LATS2: variants seen among roughly 807,000 people sequenced by gnomAD.
LATS2 encodes the protein serine/threonine-protein kinase LATS2.
A neutral mutation model predicts 76.0 loss-of-function variants in LATS2; 24 were observed. The ratio of observed to expected loss-of-function variants is 0.32; its 90% CI spans 0.23 to 0.44. The LOEUF is 0.44. LATS2 is among the 20% of genes least tolerant of loss of function. LATS2 has a pLI of 1.00. For missense variants in LATS2, 1,286 were observed against 1,481.2 expected (o/e 0.87, Z 2.16); for synonymous variants, 692 against 635.4 (o/e 1.09, Z -1.34).
At chr13:20,989,964 G>A (rs898591801) in intron 3 of LATS2, among the ~76,000 whole-genome samples, 6 of 152,166 alleles carry the variant, frequency 3.9e-5, no homozygotes, top group South Asian at 4.1e-4. Flanking sequence ...AACAGACACC[G>A]GAAGGAAGGA....
intron 2 of LATS2, among the ~76,000 whole-genome samples, chr13:21,018,397 T>A (rs544221209): frequency 6.6e-6 from 1 of 151,940 alleles, no homozygotes; most frequent in Non-Finnish European, 1.5e-5. Flanking sequence ...AGGGTTGACA[T>A]GGAAAAACAA....
At chr13:21,055,962 G>C (rs1035412995) in intron 1 of LATS2, among the ~76,000 whole-genome samples, 1 of 152,228 alleles carries the variant, frequency 6.6e-6, no homozygotes, top group Non-Finnish European at 1.5e-5. Flanking sequence ...CATAATGAGG[G>C]TCTTTGAGGA....
intron 2 of LATS2, among the ~76,000 whole-genome samples, chr13:21,012,615 C>A (rs767657460): frequency 2.6e-5 from 4 of 152,160 alleles, no homozygotes; most frequent in Non-Finnish European, 5.9e-5. Flanking sequence ...TCTTATGATT[C>A]TTTTCTCCTA....
chr13:21,021,582 G>GT (rs1284964322), intron 2 of LATS2, among the ~76,000 whole-genome samples: 1 of 149,770 alleles, frequency 6.7e-6, no homozygotes, highest in Non-Finnish European at 1.5e-5. Context: ...TCTTACTCCA[G>GT]TGTGTTTAAA....
chr13:21,017,868 C>T lies in LATS2; in HGVS notation c.343-26464G>A, dbSNP rs552354828. 2.6e-3 allele frequency among the ~76,000 whole-genome samples: 389 copies of T among 152,208 alleles called. 2 individuals carry two copies. The highest frequency in any genetic ancestry group is 8.7e-3 in the African/African-American group (363 of 41,518). ...CTTGAACTCCTGACCTCAGGTGATC[C>T]GCCTGCCTTGGCCTCCTAAAGTGCT... is the stretch of plus-strand genomic sequence containing the variant. On this transcript the variant is annotated intron_variant, in intron 2 of 7. Coordinates refer to ENST00000382592, the MANE Select transcript of LATS2 (RefSeq NM_014572.3).
chr13:20,984,133 C>T (rs966374375), intron 4 of LATS2, among the ~76,000 whole-genome samples: 1 of 152,164 alleles, frequency 6.6e-6, no homozygotes, highest in Non-Finnish European at 1.5e-5. Flanking sequence ...AGCGTTTCAT[C>T]ATGTTGGCCA....
In LATS2 at chr13:20,981,472, G is replaced by A. The variant is rs573724179; in HGVS notation, c.2659C>T (p.Arg887Cys). The A allele has an allele frequency of 1.4e-5, 23 of 1,613,232 alleles. No individual in the cohort carries two copies. Among genetic ancestry groups the A allele is most frequent in the African/African-American group, 2.7e-5 (2 of 75,032 alleles). ...CTGGCCATGGCGCATGTACCTTTGC[G>A]GAGGAGCACCTCGGGTGCGATGTAG... The part of the protein sequence containing the change: ...PNYIAPEVLL[R>C]KGYTQLCDWW... Residue 887 changes from arginine to cysteine, a missense_variant, in exon 6 of 8, where the codon CGC (arginine) becomes TGC (cysteine). Arg to Cys is a radical substitution (Grantham distance 180). Coordinates refer to ENST00000382592, the MANE Select transcript of LATS2 (RefSeq NM_014572.3).
rs1870260951 is a variant in LATS2, at chr13:20,988,200, T to C, written c.1580A>G (p.Lys527Arg). The C allele has an allele frequency of 1.9e-6, 3 of 1,612,038 alleles. No homozygotes were observed. The highest frequency in any genetic ancestry group is 1.3e-5 in the African/African-American group (1 of 74,886). ...PYPKHLLLRS[K>R]SEQYDLDSLC... ...GCTGTCCAGGTCGTACTGCTCCGAC[T>C]TGCTGCGCAGCAGCAGGTGCTTCGG... The change falls in exon 4 of 8, where the codon AAG (lysine) becomes AGG (arginine). Residue 527 changes from lysine (K) to arginine (R), a missense_variant. Lys to Arg is a conservative substitution (Grantham distance 26). Transcript: ENST00000382592.
intron 1 of LATS2, among the ~76,000 whole-genome samples, chr13:21,051,203 T>C (rs918567059): frequency 6.6e-6 from 1 of 152,198 alleles, no homozygotes; most frequent in Non-Finnish European, 1.5e-5. Context: ...ACAAGCCCTC[T>C]TATATGTAGG....
At position 20,987,785 on chromosome 13, in the gene LATS2, G is replaced by A. The variant is rs1168972567; in HGVS notation, c.1899+96C>T. Reference sequence around the variant, plus strand: ...CCATTAGCCGTTTTGATGATAAGGGGTATACAGTCGAAACAGAAAAGGGAT... The same window carrying A: ...CCATTAGCCGTTTTGATGATAAGGGATATACAGTCGAAACAGAAAAGGGAT... On this transcript the variant is annotated intron_variant, in intron 4 of 7. Coordinates refer to ENST00000382592, the MANE Select transcript of LATS2 (RefSeq NM_014572.3). 1.4e-5 allele frequency: 19 copies of A among 1,386,312 alleles called. No individual in the cohort carries two copies. The East Asian group carries it at 4.4e-4, about 32-fold the overall frequency. The allele number at this position is 1,386,312 out of a possible 1,614,324, so 85.9% of individuals were successfully genotyped here. A position where few individuals can be genotyped will look rare whatever the true frequency, so the allele number is the denominator to read the frequency against.
chr13:21,047,645 G>A (rs17061850), intron 1 of LATS2, among the ~76,000 whole-genome samples: 2,373 of 151,886 alleles, frequency 0.016, 41 homozygotes, highest in African/African-American at 0.045. Flanking sequence ...TTTAGCTTCC[G>A]TAAGGAACTT....
intron 2 of LATS2, chr13:21,022,932 C>T (rs1331764811): frequency 2.0e-5 from 3 of 152,224 alleles, no homozygotes; most frequent in Admixed American, 6.5e-5. Flanking sequence ...AAGCAATAGA[C>T]TCCCCTTCTT....
rs756335536 is a variant in LATS2, at chr13:20,989,143, C to T, written c.637G>A (p.Asp213Asn). ...ALEEMPRPYV[D>N]YLFPGVGPHG... ...GGGCCGACTCCGGGGAAAAGGTAGT[C>T]CACGTACGGCCGCGGCATCTCCTCC... The change falls in exon 4 of 8, where the codon GAC becomes AAC. Residue 213 changes from aspartate to asparagine, a missense_variant. Transcript: ENST00000382592. The T allele has an allele frequency of 2.4e-5, 39 of 1,611,402 alleles. No homozygotes were observed. The South Asian group carries it at 4.0e-4, about 16-fold the overall frequency.
At chr13:21,048,021 G>A (rs532149210) in intron 1 of LATS2, among the ~76,000 whole-genome samples, 29 of 152,324 alleles carry the variant, frequency 1.9e-4, no homozygotes, top group African/African-American at 6.7e-4. Flanking sequence ...AGACTGTGCA[G>A]ACATTGAGCT....
rs77142758 is a variant in LATS2 at position 20,989,384 on chromosome 13, C to G, written c.476-80G>C. Reference sequence around the variant, plus strand: ...TGGCACTTCCAGGCTGGTCCCCACTCTAGCGCTGCCCTCGGGGCTGAGGGT... The same window carrying G: ...TGGCACTTCCAGGCTGGTCCCCACTGTAGCGCTGCCCTCGGGGCTGAGGGT... On this transcript the variant is annotated intron_variant, in intron 3 of 7. Coordinates refer to ENST00000382592, the MANE Select transcript of LATS2 (RefSeq NM_014572.3). 242 of 1,461,654 alleles carry G rather than the reference C, an allele frequency of 1.7e-4. No individual in the cohort carries two copies. In the East Asian group the frequency reaches 5.4e-3, roughly 32 times the overall value. The allele number at this position is 1,461,654 out of a possible 1,614,324, so 90.5% of individuals were successfully genotyped here. A position where few individuals can be genotyped will look rare whatever the true frequency, so the allele number is the denominator to read the frequency against.
chr13:21,022,794 C>T (rs1364451572), intron 2 of LATS2, among the ~76,000 whole-genome samples: 1 of 151,918 alleles, frequency 6.6e-6, no homozygotes, highest in Non-Finnish European at 1.5e-5. Context: ...ATAAACAGAG[C>T]TATCCACCCT....
At chr13:21,030,591 C>CAAAAA (rs374884189) in intron 2 of LATS2, among the ~76,000 whole-genome samples, 19 of 25,652 alleles carry the variant, frequency 7.4e-4, no homozygotes, top group African/African-American at 1.4e-3. Flanking sequence ...GACTCCGTCT[C>CAAAAA]AAAAAAAAAA....
At position 20,981,527 on chromosome 13, in the gene LATS2, G is replaced by A. The variant is rs567558890; in HGVS notation, c.2604C>T (p.Cys868=). Residue 868 remains cysteine (C), a synonymous_variant, in exon 6 of 8, where the codon TGC becomes TGT. Transcript: ENST00000382592. ...EQRARKQHQR[C]LAHSLVGTPN... ...GAGTCCCCACCAGTGAATGTGCCAG[G>A]CACCTCTGGTGCTGCTTCCGCGCCC... The A allele has an allele frequency of 1.2e-6, 2 of 1,614,134 alleles. No homozygotes were observed. The highest frequency in any genetic ancestry group is 1.7e-6 in the Non-Finnish European group (2 of 1,180,022).
intron 1 of LATS2, among the ~76,000 whole-genome samples, chr13:21,051,687 A>G (rs999575839): frequency 2.0e-5 from 3 of 152,190 alleles, no homozygotes; most frequent in Non-Finnish European, 4.4e-5. Context: ...GGCTGGGTCC[A>G]GTGGCTCACA....
Sources: allele counts gnomAD v4.1 joint callset (sites outside exome capture counted in the v4.1 genomes callset), GRCh38; gene constraint gnomAD v4.1.1; transcripts MANE v1.5; gene names NCBI Gene and HGNC (gene_info 2026-07-23, HGNC 2026-07-21).